PUS7: variants seen among roughly 807,000 people sequenced by gnomAD.
PUS7 encodes pseudouridylate synthase 7 homolog.
PUS7 carries 48 observed loss-of-function variants against 79.8 expected under a neutral mutation model. The ratio of observed to expected loss-of-function variants is 0.60; its 90% CI spans 0.48 to 0.76. The LOEUF (loss-of-function observed/expected upper bound fraction) is 0.76. Among genes scored for constraint, PUS7 ranks in the 30% least tolerant of loss-of-function variants. The pLI is 0.00. For missense variants in PUS7, 729 were observed against 797.6 expected, an observed-to-expected ratio of 0.91 and a Z score of 1.04; for synonymous variants, 286 against 272.2, an observed-to-expected ratio of 1.05 and a Z score of -0.50.
intron 5 of PUS7, among the ~76,000 whole-genome samples, chr7:105,501,680 G>A (rs1320516575): frequency 6.6e-6 from 1 of 152,038 alleles, no homozygotes; most frequent in African/African-American, 2.4e-5. Flanking sequence ...TCTTGGCCGG[G>A]CGCACTGGCT....
At chr7:105,462,567 A>G in intron 14 of PUS7, 54 bp downstream of exon 14, 1 of 1,596,914 alleles carries the variant, frequency 6.3e-7, no homozygotes, top group South Asian at 1.1e-5. Context: ...GTGAAGCAAA[A>G]GCTTACAACT....
intron 14 of PUS7, among the ~76,000 whole-genome samples, chr7:105,459,783 A>C (rs531977928): frequency 7.2e-5 from 11 of 152,182 alleles, no homozygotes; most frequent in African/African-American, 2.4e-4. Context: ...TTAAAAATGC[A>C]CAACTGGGGC....
chr7:105,463,373 T>C (rs1296877231), intron 13 of PUS7, among the ~76,000 whole-genome samples: 1 of 152,224 alleles, frequency 6.6e-6, no homozygotes, highest in African/African-American at 2.4e-5. Context: ...AACTGTCTTC[T>C]TCCACATATA....
intron 8 of PUS7, 66 bp downstream of exon 8, chr7:105,482,246 T>C (rs1001102159): frequency 1.6e-5 from 25 of 1,551,136 alleles, no homozygotes; most frequent in Non-Finnish European, 2.0e-5. Context: ...TGACCAACCG[T>C]GAGTAACATA....
chr7:105,482,470 C>CAAAAAAGAG, intron 7 of PUS7, 30 bp from the exon 8 acceptor site: 1 of 1,533,688 alleles, frequency 6.5e-7, no homozygotes. Flanking sequence ...AGCAACAAAA[C>CAAAAAAGAG]AAAAAAGAGT....
intron 10 of PUS7, 30 bp downstream of exon 10, chr7:105,472,098 CTATT>C: frequency 7.0e-7 from 1 of 1,418,514 alleles, no homozygotes; most frequent in Non-Finnish European, 9.9e-7. Flanking sequence ...GCCATACATT[CTATT>C]TATTTTCTTA....
At chr7:105,504,242 C>T (rs779543464) in intron 4 of PUS7, among the ~76,000 whole-genome samples, 4,525 of 145,268 alleles carry the variant, frequency 0.031, 193 homozygotes, top group South Asian at 0.074. Flanking sequence ...GCTAATTTTT[C>T]GTATTTTTAG....
chr7:105,457,731 A>G lies in PUS7; in HGVS notation c.*59T>C. 6.4e-7 allele frequency: 1 copy of G among 1,561,064 alleles called. No homozygotes were observed. The highest frequency in any genetic ancestry group is 8.7e-7 in the Non-Finnish European group (1 of 1,147,180). On this transcript the variant is annotated 3_prime_UTR_variant, in exon 16 of 16. Coordinates refer to ENST00000469408, the MANE Select transcript of PUS7 (RefSeq NM_019042.5). ...TGAGTCTGAACTAAGACAAAAATGC[A>G]CAGGGAGCCAGGAAGCAAACACTTG...
intron 6 of PUS7, among the ~76,000 whole-genome samples, chr7:105,492,284 T>C (rs1824817707): frequency 6.6e-6 from 1 of 151,464 alleles, no homozygotes; most frequent in African/African-American, 2.4e-5. Context: ...AGACCTGCTC[T>C]CTTTAAAAAA....
intron 1 of PUS7, among the ~76,000 whole-genome samples, chr7:105,509,629 C>G (rs981102134): frequency 6.6e-6 from 1 of 151,992 alleles, no homozygotes; most frequent in African/African-American, 2.4e-5. Flanking sequence ...TGCCACCAAG[C>G]CTGGCTAGTT....
intron 4 of PUS7, among the ~76,000 whole-genome samples, chr7:105,503,860 T>C (rs1283773740): frequency 1.3e-5 from 2 of 152,084 alleles, no homozygotes; most frequent in Admixed American, 1.3e-4. Context: ...CTCGATCTCC[T>C]GAATTCAAGC....
chr7:105,482,154 G>A (rs983122398), intron 8 of PUS7, among the ~76,000 whole-genome samples, 158 bp downstream of exon 8: 1 of 152,166 alleles, frequency 6.6e-6, no homozygotes, highest in East Asian at 1.9e-4. Flanking sequence ...AGAGGTATCT[G>A]CTCTCCCAGC....
chr7:105,506,548 G>A (rs370529478), intron 2 of PUS7, among the ~76,000 whole-genome samples: 2 of 151,500 alleles, frequency 1.3e-5, no homozygotes, highest in African/African-American at 2.4e-5. Flanking sequence ...TCAGCCTCCC[G>A]AGTAGCTGGG....
intron 3 of PUS7, 37 bp downstream of exon 3, chr7:105,506,152 A>G (rs746580368): frequency 8.8e-7 from 1 of 1,133,538 alleles, no homozygotes; most frequent in South Asian, 1.3e-5. Context: ...TGCTATTTTT[A>G]TACAGAAGGT....
intron 5 of PUS7, among the ~76,000 whole-genome samples, chr7:105,495,768 T>C (rs1279086590): frequency 6.6e-6 from 1 of 151,882 alleles, no homozygotes; most frequent in Admixed American, 6.6e-5. Context: ...AAGAAAAACA[T>C]TTTTAATTAA....
intron 9 of PUS7, among the ~76,000 whole-genome samples, chr7:105,478,866 T>C (rs1020539751): frequency 1.3e-5 from 2 of 152,390 alleles, no homozygotes; most frequent in African/African-American, 2.4e-5. Flanking sequence ...GGTCACGCTA[T>C]GTAATTTTTG....
intron 9 of PUS7, among the ~76,000 whole-genome samples, chr7:105,475,193 C>T (rs964666631): frequency 6.7e-6 from 1 of 150,008 alleles, no homozygotes; most frequent in African/African-American, 2.4e-5. Context: ...ATGTTTTGTA[C>T]TTTTTTTTTT....
rs138164212 is a variant in PUS7 at position 105,506,567 on chromosome 7, C to T, written c.399-294G>A. ...CCTCCCGAGTAGCTGGGATTACAGG[C>T]ACGTGCCACCACGCCCAGCTAATTT... On this transcript the variant is annotated intron_variant, in intron 2 of 15. Transcript: ENST00000469408. Among the ~76,000 whole-genome samples the T allele has an allele frequency of 4.7e-3, 712 of 152,066 alleles. 9 individuals carry two copies. The highest frequency in any genetic ancestry group is 5.2e-3 in the Non-Finnish European group (355 of 67,974).
intron 1 of PUS7, among the ~76,000 whole-genome samples, chr7:105,510,256 T>C (rs1825650651): frequency 6.6e-6 from 1 of 151,968 alleles, no homozygotes; most frequent in Non-Finnish European, 1.5e-5. Flanking sequence ...GCTGAAATTG[T>C]GCCTTTGCAC....
Sources: allele counts gnomAD v4.1 joint callset (sites outside exome capture counted in the v4.1 genomes callset), GRCh38; gene constraint gnomAD v4.1.1; transcripts MANE v1.5; gene names NCBI Gene and HGNC (gene_info 2026-07-23, HGNC 2026-07-21).